Variants in NFIB observed in about 807,000 individuals in gnomAD.
NFIB encodes nuclear factor I B.
Under a neutral mutation model 61.5 loss-of-function variants are expected in NFIB, and 11 were observed. That is an observed-to-expected ratio of 0.18 (90% confidence interval 0.11 to 0.30). The LOEUF (loss-of-function observed/expected upper bound fraction) is 0.30. Ranked by LOEUF, NFIB falls within the 10% of genes least tolerant of loss-of-function variation. NFIB has a pLI of 1.00. For synonymous variants in NFIB, 260 were observed against 216.5 expected (o/e 1.20, Z -1.76); for missense variants, 471 against 608.9 (o/e 0.77, Z 2.38).
At chr9:14,440,295 G>A in the NFIB span, among the ~76,000 whole-genome samples, 1,069 of 152,254 alleles carry the variant, frequency 7.0e-3, 9 homozygotes, top group African/African-American at 0.024. Context: ...TTGAAATATT[G>A]AATTGGCCTG....
At chr9:14,223,159 G>A (rs933060998) in intron 2 of NFIB, among the ~76,000 whole-genome samples, 2 of 152,362 alleles carry the variant, frequency 1.3e-5, no homozygotes, top group Non-Finnish European at 2.9e-5. Context: ...CATGCAGCCT[G>A]CAGGCCATGG....
the NFIB span, among the ~76,000 whole-genome samples, chr9:14,417,303 ATGT>A: frequency 2.0e-5 from 3 of 152,210 alleles, no homozygotes; most frequent in Non-Finnish European, 4.4e-5. Flanking sequence ...GTATGGTAAC[ATGT>A]TGTACAGGTT....
At chr9:14,230,080 C>T (rs2052934449) in intron 2 of NFIB, among the ~76,000 whole-genome samples, 1 of 152,194 alleles carries the variant, frequency 6.6e-6, no homozygotes, top group African/African-American at 2.4e-5. Context: ...GCTGAGATTA[C>T]AGGCGTGAGC....
chr9:14,461,222 G>T, the NFIB span, among the ~76,000 whole-genome samples: 1 of 152,118 alleles, frequency 6.6e-6, no homozygotes. Flanking sequence ...TGTGAGCTTG[G>T]CAGAGCAATC....
chr9:14,202,955 A>G (rs2049217509), intron 2 of NFIB, among the ~76,000 whole-genome samples: 1 of 152,262 alleles, frequency 6.6e-6, no homozygotes, highest in South Asian at 2.1e-4. Flanking sequence ...AAGAATAATT[A>G]TCATGGCGAT....
chr9:14,152,293 T>A (rs1192418816), intron 4 of NFIB, among the ~76,000 whole-genome samples: 1 of 152,106 alleles, frequency 6.6e-6, no homozygotes, highest in Non-Finnish European at 1.5e-5. Flanking sequence ...GCCTGATGGC[T>A]TGAATTATTT....
At chr9:14,184,714 T>G (rs374571120) in intron 2 of NFIB, among the ~76,000 whole-genome samples, 154 of 152,316 alleles carry the variant, frequency 1.0e-3, no homozygotes, top group African/African-American at 3.5e-3. Context: ...AGGTCATTAA[T>G]GTAAACATCA....
intron 1 of NFIB, among the ~76,000 whole-genome samples, chr9:14,367,235 T>C (rs1176633435): frequency 6.6e-6 from 1 of 152,110 alleles, no homozygotes; most frequent in African/African-American, 2.4e-5. Flanking sequence ...GACAAACATG[T>C]TAACAAGGAA....
At chr9:14,354,116 C>A (rs905733863) in intron 1 of NFIB, among the ~76,000 whole-genome samples, 1 of 152,098 alleles carries the variant, frequency 6.6e-6, no homozygotes, top group Non-Finnish European at 1.5e-5. Flanking sequence ...TACACCGCAC[C>A]CTATTTTCTC....
chr9:14,172,879 C>T (rs2045725087), intron 3 of NFIB, among the ~76,000 whole-genome samples: 1 of 152,086 alleles, frequency 6.6e-6, no homozygotes, highest in Non-Finnish European at 1.5e-5. Context: ...AAGCGATTCT[C>T]CTGCCTCAGC....
the NFIB span, among the ~76,000 whole-genome samples, chr9:14,412,974 G>C: frequency 3.3e-5 from 5 of 152,172 alleles, no homozygotes; most frequent in African/African-American, 1.2e-4. Context: ...AAGAGCCACA[G>C]TACAAACCAC....
At chr9:14,375,210 A>G (rs2061403899) in intron 1 of NFIB, among the ~76,000 whole-genome samples, 1 of 152,202 alleles carries the variant, frequency 6.6e-6, no homozygotes, top group Admixed American at 6.5e-5. Context: ...TCAGAGCCCT[A>G]GGCTCTTTCT....
chr9:14,478,887 C>T, the NFIB span, among the ~76,000 whole-genome samples: 1 of 152,202 alleles, frequency 6.6e-6, no homozygotes, highest in Non-Finnish European at 1.5e-5. Flanking sequence ...GATAGACTCT[C>T]TCAAATTGCT....
chr9:14,261,962 C>T (rs1358523916), intron 2 of NFIB, among the ~76,000 whole-genome samples: 2 of 152,136 alleles, frequency 1.3e-5, no homozygotes, highest in Non-Finnish European at 2.9e-5. Context: ...GATTGCAAGG[C>T]AGGAGGTGGA....
intron 3 of NFIB, among the ~76,000 whole-genome samples, chr9:14,179,489 T>A (rs1258171553): frequency 1.3e-5 from 2 of 152,230 alleles, no homozygotes; most frequent in East Asian, 1.9e-4. Flanking sequence ...TATGCGTATT[T>A]ATTTTCAAAG....
the NFIB span, among the ~76,000 whole-genome samples, chr9:14,523,823 T>A: frequency 4.6e-5 from 7 of 152,200 alleles, no homozygotes; most frequent in African/African-American, 1.7e-4. Flanking sequence ...TCATACTGAC[T>A]GAGCTTGTGT....
At chr9:14,487,193 G>A in the NFIB span, among the ~76,000 whole-genome samples, 19 of 152,226 alleles carry the variant, frequency 1.2e-4, no homozygotes, top group East Asian at 2.5e-3. Flanking sequence ...GAGCGCACAC[G>A]AAAACCATCC....
chr9:14,237,382 T>C (rs1036423278), intron 2 of NFIB, among the ~76,000 whole-genome samples: 1 of 152,178 alleles, frequency 6.6e-6, no homozygotes, highest in African/African-American at 2.4e-5. Flanking sequence ...CAGAAGATCA[T>C]CAAAATCCCT....
At chr9:14,396,501 T>C (rs1334745364) in intron 1 of NFIB, among the ~76,000 whole-genome samples, 7 of 152,080 alleles carry the variant, frequency 4.6e-5, no homozygotes, top group Admixed American at 4.6e-4. Context: ...TCTTTACTTT[T>C]TGGTGTATTA....
Sources: allele counts gnomAD v4.1 joint callset (sites outside exome capture counted in the v4.1 genomes callset), GRCh38; gene constraint gnomAD v4.1.1; transcripts MANE v1.5; gene names NCBI Gene and HGNC (gene_info 2026-07-23, HGNC 2026-07-21).